Variants in ERG observed in about 807,000 individuals in gnomAD.
ERG encodes transcriptional regulator ERG.
A neutral mutation model predicts 55.3 loss-of-function variants in ERG; 9 were observed. The ratio of observed to expected loss-of-function variants is 0.16; its 90% CI spans 0.10 to 0.28. The LOEUF (loss-of-function observed/expected upper bound fraction) is 0.28. Among genes scored for constraint, ERG ranks in the 10% least tolerant of loss-of-function variants. The pLI is 1.00. For synonymous variants in ERG, 223 were observed against 237.3 expected, an observed-to-expected ratio of 0.94 and a Z score of 0.55; for missense variants, 434 against 631.6, an observed-to-expected ratio of 0.69 and a Z score of 3.35.
chr21:38,521,331 T>G (rs2059592824), intron 2 of ERG, among the ~76,000 whole-genome samples: 1 of 152,166 alleles, frequency 6.6e-6, no homozygotes, highest in Admixed American at 6.5e-5. Context: ...ATTTTATAGC[T>G]AAAGGTAGGC....
intron 1 of ERG, among the ~76,000 whole-genome samples, chr21:38,645,016 G>A (rs941282799): frequency 2.8e-4 from 42 of 152,000 alleles, no homozygotes; most frequent in African/African-American, 7.3e-4. Flanking sequence ...AAACTTAGCC[G>A]GGCATGGCAG....
intron 1 of ERG, among the ~76,000 whole-genome samples, chr21:38,602,276 C>T (rs1034728576): frequency 1.2e-4 from 18 of 152,116 alleles, no homozygotes; most frequent in African/African-American, 3.9e-4. Flanking sequence ...AACCCCGTCT[C>T]TACTAAAAAT....
intron 1 of ERG, among the ~76,000 whole-genome samples, chr21:38,613,958 T>C (rs1217298709): frequency 6.6e-6 from 1 of 152,136 alleles, no homozygotes; most frequent in African/African-American, 2.4e-5. Flanking sequence ...TCCCACCTTC[T>C]GAGTTAAAGT....
At chr21:38,443,929 G>A (rs1181268570) in intron 2 of ERG, among the ~76,000 whole-genome samples, 6 of 152,178 alleles carry the variant, frequency 3.9e-5, no homozygotes, top group South Asian at 4.1e-4. Flanking sequence ...GGACCAGTGC[G>A]GTGGCAATAT....
intron 2 of ERG, among the ~76,000 whole-genome samples, chr21:38,431,841 G>A (rs115163773): frequency 1.1e-4 from 16 of 152,282 alleles, no homozygotes; most frequent in East Asian, 7.7e-4. Flanking sequence ...ATCCCGCACC[G>A]TGCCAGGCGT....
intron 1 of ERG, among the ~76,000 whole-genome samples, chr21:38,582,825 C>CA (rs1404469611): frequency 6.6e-6 from 1 of 152,180 alleles, no homozygotes; most frequent in Non-Finnish European, 1.5e-5. Flanking sequence ...TGGCTCACTG[C>CA]AACCTCCACC....
chr21:38,458,523 C>T (rs570527249), intron 1 of ERG, among the ~76,000 whole-genome samples: 1 of 151,864 alleles, frequency 6.6e-6, no homozygotes, highest in African/African-American at 2.4e-5. Flanking sequence ...ATTAATGAAT[C>T]TGATGCCAAT....
intron 3 of ERG, among the ~76,000 whole-genome samples, chr21:38,414,493 C>T (rs935192529): frequency 2.6e-5 from 4 of 152,158 alleles, no homozygotes; most frequent in African/African-American, 9.7e-5. Context: ...AGATGCCAGA[C>T]CCAAATATAA....
chr21:38,553,740 C>G (rs1251493128), intron 2 of ERG, among the ~76,000 whole-genome samples: 1 of 151,950 alleles, frequency 6.6e-6, no homozygotes, highest in Non-Finnish European at 1.5e-5. Context: ...TAGAAGAAAA[C>G]CTAGAACATA....
chr21:38,487,339 A>G (rs1471259287), intron 1 of ERG, among the ~76,000 whole-genome samples: 1 of 152,228 alleles, frequency 6.6e-6, no homozygotes, highest in African/African-American at 2.4e-5. Context: ...TTTATTTTCT[A>G]AACTCCTATA....
intron 1 of ERG, among the ~76,000 whole-genome samples, chr21:38,468,931 A>G (rs1316525622): frequency 6.9e-6 from 1 of 145,928 alleles, no homozygotes; most frequent in Admixed American, 7.0e-5. Flanking sequence ...CTTGCAGTGA[A>G]CCAAGATCGC....
chr21:38,562,873 G>A (rs369605255), intron 2 of ERG, among the ~76,000 whole-genome samples: 16 of 152,084 alleles, frequency 1.1e-4, no homozygotes, highest in African/African-American at 2.7e-4. Context: ...AAAAGTGTGC[G>A]TGTTTGTTCT....
chr21:38,548,956 C>CA (rs2059806293), intron 2 of ERG, among the ~76,000 whole-genome samples: 1 of 150,504 alleles, frequency 6.6e-6, no homozygotes, highest in South Asian at 2.1e-4. Flanking sequence ...TAAAAAAATA[C>CA]AAAAAAATTA....
intron 5 of ERG, among the ~76,000 whole-genome samples, chr21:38,401,510 C>G (rs1315365870): frequency 3.9e-5 from 6 of 152,118 alleles, no homozygotes; most frequent in Non-Finnish European, 8.8e-5. Context: ...TATAGAAGAC[C>G]ATGATAAATG....
At chr21:38,558,913 G>A (rs1319667345) in intron 2 of ERG, among the ~76,000 whole-genome samples, 1 of 152,102 alleles carries the variant, frequency 6.6e-6, no homozygotes, top group Non-Finnish European at 1.5e-5. Flanking sequence ...CAAGGTGCAA[G>A]GAAATGTAAA....
intron 2 of ERG, among the ~76,000 whole-genome samples, chr21:38,517,477 G>A (rs192968659): frequency 6.6e-6 from 1 of 152,210 alleles, no homozygotes; most frequent in East Asian, 1.9e-4. Flanking sequence ...TGGCCAGAAT[G>A]CAGAGAAAAG....
chr21:38,645,468 A>C (rs1182000771), intron 1 of ERG, among the ~76,000 whole-genome samples: 3 of 152,216 alleles, frequency 2.0e-5, no homozygotes, highest in African/African-American at 7.2e-5. Context: ...GTCATATTTC[A>C]AAGAGGTATT....
chr21:38,485,418 C>T (rs1033137427), intron 1 of ERG, among the ~76,000 whole-genome samples: 5 of 149,798 alleles, frequency 3.3e-5, no homozygotes, highest in Admixed American at 6.7e-5. Flanking sequence ...TATGAATTTA[C>T]TATTGAAGAA....
rs1352809722 is a variant in ERG at position 38,381,394 on chromosome 21, G to C, written c.*2009C>G. 1 of 1,062,962 alleles carries C rather than the reference G, an allele frequency of 9.4e-7. No homozygotes were observed. Among genetic ancestry groups the C allele is most frequent in the African/African-American group, 1.6e-5 (1 of 60,966 alleles). The allele number at this position is 1,062,962 out of a possible 1,614,324, so 65.8% of individuals were successfully genotyped here. On this transcript the variant is annotated 3_prime_UTR_variant, in exon 10 of 10. Coordinates refer to ENST00000288319, the MANE Select transcript of ERG (RefSeq NM_182918.4). ...AAGATGCCCAGGGAAACTGACTCTA[G>C]ATTATGGAAATAAACATTGTCTTCA...
Sources: allele counts gnomAD v4.1 joint callset (sites outside exome capture counted in the v4.1 genomes callset), GRCh38; gene constraint gnomAD v4.1.1; transcripts MANE v1.5; gene names NCBI Gene and HGNC (gene_info 2026-07-23, HGNC 2026-07-21).